The following TENM2 variants were observed in gnomAD, a reference collection of about 807,000 sequenced individuals.
TENM2 encodes teneurin transmembrane protein 2.
In TENM2, 52 loss-of-function variants were observed where a neutral mutation model predicts 245.2. That is an observed-to-expected ratio of 0.21 (90% confidence interval 0.17 to 0.27). The LOEUF (loss-of-function observed/expected upper bound fraction) is 0.27. Ranked by LOEUF, TENM2 falls within the 10% of genes least tolerant of loss-of-function variation. The pLI is 1.00. For missense variants in TENM2, 3,046 were observed against 3,666.8 expected (o/e 0.83, Z 4.37); for synonymous variants, 1,363 against 1,438.9 (o/e 0.95, Z 1.19).
At chr5:168,142,392 G>T (rs181695869) in intron 12 of TENM2, among the ~76,000 whole-genome samples, 1 of 152,350 alleles carries the variant, frequency 6.6e-6, no homozygotes, top group East Asian at 1.9e-4. Flanking sequence ...CATCACCAGT[G>T]AGATGGGGTT....
At chr5:167,963,840 A>G (rs1043352500) in intron 4 of TENM2, among the ~76,000 whole-genome samples, 10 of 152,308 alleles carry the variant, frequency 6.6e-5, no homozygotes, top group African/African-American at 2.4e-4. Flanking sequence ...AGGCATAACC[A>G]GAAAATAGGA....
At chr5:167,118,324 A>G in the TENM2 span, among the ~76,000 whole-genome samples, 2 of 152,198 alleles carry the variant, frequency 1.3e-5, no homozygotes, top group Non-Finnish European at 2.9e-5. Flanking sequence ...TTAGAGATGA[A>G]TTATGCTTTC....
intron 1 of TENM2, among the ~76,000 whole-genome samples, chr5:167,326,668 G>A (rs568405865): frequency 6.8e-5 from 10 of 147,170 alleles, no homozygotes; most frequent in African/African-American, 1.5e-4. Context: ...ATGAGACTCC[G>A]TCAGAATAAT....
chr5:167,894,995 A>AGGG (rs1363851224), intron 3 of TENM2, among the ~76,000 whole-genome samples: 2 of 123,840 alleles, frequency 1.6e-5, no homozygotes, highest in East Asian at 2.9e-4. Flanking sequence ...GGAAGGAGGG[A>AGGG]AGGAAGGAAG....
chr5:168,086,450 A>G (rs1281312728), intron 7 of TENM2, among the ~76,000 whole-genome samples: 1 of 152,210 alleles, frequency 6.6e-6, no homozygotes, highest in African/African-American at 2.4e-5. Flanking sequence ...TTGCATGCCA[A>G]CGTGGGTTAT....
the TENM2 span, among the ~76,000 whole-genome samples, chr5:167,052,568 A>T: frequency 1.3e-5 from 2 of 152,196 alleles, no homozygotes; most frequent in East Asian, 3.8e-4. Context: ...TTTGGAAAAC[A>T]GTGAATTACT....
intron 3 of TENM2, among the ~76,000 whole-genome samples, chr5:167,911,522 G>A (rs1583344393): frequency 2.6e-5 from 4 of 152,118 alleles, no homozygotes; most frequent in African/African-American, 9.7e-5. Flanking sequence ...GCGAGACTCC[G>A]TCTCAAAAAA....
At chr5:167,968,562 A>G (rs1303795337) in intron 4 of TENM2, among the ~76,000 whole-genome samples, 1 of 152,220 alleles carries the variant, frequency 6.6e-6, no homozygotes, top group Admixed American at 6.5e-5. Context: ...ATTGCACACC[A>G]ATAATACGAC....
At chr5:167,123,184 C>G in the TENM2 span, among the ~76,000 whole-genome samples, 2 of 151,144 alleles carry the variant, frequency 1.3e-5, no homozygotes, top group East Asian at 3.9e-4. Flanking sequence ...GTGCCAGGAG[C>G]CTGTAATCCA....
chr5:168,233,478 G>A (rs371432651), intron 25 of TENM2, among the ~76,000 whole-genome samples: 11 of 152,192 alleles, frequency 7.2e-5, no homozygotes, highest in African/African-American at 1.9e-4. Context: ...TTCTATAGGC[G>A]CCTTCTTAAT....
chr5:167,285,624 T>G (rs1401695762), intron 1 of TENM2, among the ~76,000 whole-genome samples: 1 of 152,208 alleles, frequency 6.6e-6, no homozygotes, highest in East Asian at 1.9e-4. Flanking sequence ...TCTCTTCATG[T>G]CCAATATTTA....
At chr5:167,445,336 TAGAGAGAG>T (rs1554154174) in intron 2 of TENM2, among the ~76,000 whole-genome samples, 1 of 77,316 alleles carries the variant, frequency 1.3e-5, no homozygotes, top group East Asian at 3.6e-4. Context: ...TATATATATA[TAGAGAGAG>T]AGAGAGAGAG....
At chr5:168,228,443 TAG>T (rs1480318683) in intron 25 of TENM2, among the ~76,000 whole-genome samples, 1 of 152,236 alleles carries the variant, frequency 6.6e-6, no homozygotes, top group African/African-American at 2.4e-5. Context: ...ACGCTGTAAC[TAG>T]AGACAGCTTT....
At chr5:167,735,973 C>T (rs1013454102) in intron 2 of TENM2, among the ~76,000 whole-genome samples, 16 of 152,178 alleles carry the variant, frequency 1.1e-4, no homozygotes, top group Admixed American at 9.2e-4. Flanking sequence ...TTTACACATT[C>T]GATGAATGTT....
chr5:168,018,264 C>A (rs1293724919), intron 5 of TENM2, among the ~76,000 whole-genome samples: 1 of 152,042 alleles, frequency 6.6e-6, no homozygotes, highest in Non-Finnish European at 1.5e-5. Context: ...ATTTATCCAG[C>A]TTACATAATT....
At chr5:167,868,563 C>T (rs1772534310) in intron 2 of TENM2, among the ~76,000 whole-genome samples, 6 of 151,480 alleles carry the variant, frequency 4.0e-5, no homozygotes. Flanking sequence ...ATGGTGAAAC[C>T]CCGTCTCTAC....
intron 2 of TENM2, among the ~76,000 whole-genome samples, chr5:167,788,216 T>A (rs768030507): frequency 1.1e-4 from 16 of 152,328 alleles, no homozygotes; most frequent in Middle Eastern, 6.8e-3. Flanking sequence ...GCCAATTGCC[T>A]TACTCCAGTC....
chr5:167,393,235 G>C (rs546178858), intron 2 of TENM2, among the ~76,000 whole-genome samples: 1 of 151,852 alleles, frequency 6.6e-6, no homozygotes, highest in South Asian at 2.1e-4. Context: ...AGAAGGGAGG[G>C]ATGAAGGAAA....
At chr5:167,447,723 C>T (rs1457908124) in intron 2 of TENM2, among the ~76,000 whole-genome samples, 1 of 152,160 alleles carries the variant, frequency 6.6e-6, no homozygotes, top group Non-Finnish European at 1.5e-5. Context: ...GTGAAAAATG[C>T]CACATATGTG....
Sources: allele counts gnomAD v4.1 joint callset (sites outside exome capture counted in the v4.1 genomes callset), GRCh38; gene constraint gnomAD v4.1.1; transcripts MANE v1.5; gene names NCBI Gene and HGNC (gene_info 2026-07-23, HGNC 2026-07-21).